DMD: variants seen among roughly 807,000 people sequenced by gnomAD.
The protein encoded by DMD is dystrophin, also known as mutant dystrophin.
Under a neutral mutation model 330.1 loss-of-function variants are expected in DMD, and 63 were observed. The observed-to-expected ratio is 0.19, with a 90% confidence interval of 0.16 to 0.24. The LOEUF (loss-of-function observed/expected upper bound fraction) is 0.24. Ranked by LOEUF, DMD falls within the 10% of genes least tolerant of loss-of-function variation. The pLI, the probability that DMD is intolerant of heterozygous loss-of-function variation, is 1.00. For synonymous variants in DMD, 1,223 were observed against 959.8 expected, an observed-to-expected ratio of 1.27 and a Z score of -5.07; for missense variants, 3,344 against 2,684.1, an observed-to-expected ratio of 1.25 and a Z score of -5.43.
intron 55 of DMD, among the ~76,000 whole-genome samples, chrX:31,592,715 A>G (rs1052406303): frequency 1.8e-5 from 2 of 110,408 alleles, no homozygotes; most frequent in Admixed American, 1.9e-4. Flanking sequence ...CTGAGGTTTT[A>G]TTAATCCTGC....
Position 32,463,556 on chromosome X carries a change from T to G in DMD, c.3315A>C (p.Leu1105=), listed in dbSNP as rs2098390931. The change falls in exon 25 of 79, where the codon CTA becomes CTC. Residue 1105 remains leucine, a synonymous_variant. Coordinates refer to ENST00000357033, the MANE Select transcript of DMD (RefSeq NM_004006.3). The part of the protein sequence containing the change: ...VSDIQTIQPS[L]NSVNEGGQKI... Reference sequence around the variant, plus strand: ...TCTGCCCACCTTCATTGACACTGTTTAGACTGGGCTGAATTGTCTGAATAT... The same window carrying G: ...TCTGCCCACCTTCATTGACACTGTTGAGACTGGGCTGAATTGTCTGAATAT... 8.4e-7 allele frequency: 1 copy of G among 1,193,931 alleles called. No homozygotes were observed. The highest frequency in any genetic ancestry group is 2.3e-5 in the Admixed American group (1 of 44,192).
At chrX:32,518,267 C>A in intron 17 of DMD, 136 bp from the exon 18 acceptor site, 1 of 625,334 alleles carries the variant, frequency 1.6e-6, no homozygotes, top group Non-Finnish European at 2.5e-6. Flanking sequence ...GTATTAATAG[C>A]AGCACTATTT....
At chrX:32,195,042 T>C (rs946042175) in intron 44 of DMD, among the ~76,000 whole-genome samples, 4 of 110,999 alleles carry the variant, frequency 3.6e-5, no homozygotes, top group African/African-American at 6.5e-5. Context: ...TGACCTGGCC[T>C]AAGATGGGGG....
chrX:31,707,713 A>C (rs2084305129), intron 52 of DMD, among the ~76,000 whole-genome samples: 1 of 111,668 alleles, frequency 9.0e-6, no homozygotes, highest in Non-Finnish European at 1.9e-5. Context: ...ATGACCCCAG[A>C]AACCTCAGAG....
intron 44 of DMD, among the ~76,000 whole-genome samples, chrX:32,124,576 A>AAC (rs2096652746): frequency 8.9e-6 from 1 of 112,350 alleles, no homozygotes; most frequent in African/African-American, 3.2e-5. Context: ...TCATCAATTC[A>AAC]ATAAATTTCT....
chrX:32,548,822 C>A (rs2049237761), intron 16 of DMD, among the ~76,000 whole-genome samples: 1 of 111,375 alleles, frequency 9.0e-6, no homozygotes, highest in Non-Finnish European at 1.9e-5. Context: ...ATACTCCTGT[C>A]ACTCAATGCA....
chrX:32,792,054 C>A (rs2075859197), intron 7 of DMD, among the ~76,000 whole-genome samples: 1 of 111,716 alleles, frequency 9.0e-6, no homozygotes, highest in Admixed American at 9.5e-5. Flanking sequence ...TCAGAAGAAA[C>A]CTTACAGGCC....
chrX:31,849,833 CAGAAA>C (rs2093491060), intron 48 of DMD, among the ~76,000 whole-genome samples: 1 of 110,856 alleles, frequency 9.0e-6, no homozygotes, highest in African/African-American at 3.3e-5. Flanking sequence ...AATATTGCTA[CAGAAA>C]AAAGAAATTC....
At chrX:32,992,931 T>C (rs1414018157) in intron 2 of DMD, among the ~76,000 whole-genome samples, 2 of 102,817 alleles carry the variant, frequency 1.9e-5, no homozygotes, top group Non-Finnish European at 3.9e-5. Context: ...AAAAAAACTG[T>C]CTATTTTATA....
intron 25 of DMD, among the ~76,000 whole-genome samples, chrX:32,455,594 AT>A (rs1424597369): frequency 9.0e-6 from 1 of 111,257 alleles, no homozygotes; most frequent in African/African-American, 3.2e-5. Context: ...CAACTGCTCC[AT>A]TTTTTGAGAG....
chrX:31,702,408 T>C (rs976725094), intron 52 of DMD, among the ~76,000 whole-genome samples: 7 of 112,030 alleles, frequency 6.2e-5, no homozygotes, highest in African/African-American at 2.3e-4. Flanking sequence ...TCTTCATTCT[T>C]CCTCTCCCCT....
At chrX:31,936,664 A>G (rs1168957970) in intron 45 of DMD, among the ~76,000 whole-genome samples, 1 of 111,505 alleles carries the variant, frequency 9.0e-6, no homozygotes, top group Non-Finnish European at 1.9e-5. Flanking sequence ...AATAAAATTT[A>G]ACAGTTTATT....
chrX:32,205,030 CA>C (rs2147766330), intron 44 of DMD, among the ~76,000 whole-genome samples: 1 of 86,300 alleles, frequency 1.2e-5, no homozygotes, highest in African/African-American at 4.2e-5. Flanking sequence ...CACACACACA[CA>C]CACACACACA....
intron 51 of DMD, among the ~76,000 whole-genome samples, chrX:31,761,837 G>C (rs2089615745): frequency 8.9e-6 from 1 of 112,116 alleles, no homozygotes; most frequent in East Asian, 2.8e-4. Context: ...ATTTAGCTAA[G>C]TTAAAACTGC....
At chrX:33,106,924 G>T (rs1270836519) in intron 1 of DMD, among the ~76,000 whole-genome samples, 1 of 112,253 alleles carries the variant, frequency 8.9e-6, no homozygotes, top group African/African-American at 3.2e-5. Flanking sequence ...TCCATTTACA[G>T]AAGCAAGTGG....
At chrX:32,202,329 C>G (rs142421249) in intron 44 of DMD, among the ~76,000 whole-genome samples, 2,949 of 111,747 alleles carry the variant, frequency 0.026, 93 homozygotes, top group African/African-American at 0.091. Context: ...ATAAATCCAT[C>G]TTAATCGCAT....
At position 32,815,520 on chromosome X, in the gene DMD, T is replaced by TACACACACACACAC. The variant is rs1557051739; in HGVS notation, c.530+934_530+947dup. Among the ~76,000 whole-genome samples the TACACACACACACAC allele has an allele frequency of 7.9e-4, 62 of 78,898 alleles. 2 individuals are homozygous for TACACACACACACAC. The highest frequency in any genetic ancestry group is 3.1e-3 in the African/African-American group (58 of 18,831). The allele number at this position is 78,898 out of a possible 115,157, so 68.5% of individuals were successfully genotyped here. ...ATATATATATATATATATATATATATACACACACACACACACATATATATA... is the reference window on the plus strand; with the variant it reads ...ATATATATATATATATATATATATATACACACACACACACACACACACACACACACATATATATA... On this transcript the variant is annotated intron_variant, in intron 6 of 78. Coordinates refer to ENST00000357033, the MANE Select transcript of DMD (RefSeq NM_004006.3).
chrX:32,723,270 G>A (rs1188864718), intron 7 of DMD, among the ~76,000 whole-genome samples: 3 of 110,780 alleles, frequency 2.7e-5, no homozygotes, highest in African/African-American at 6.6e-5. Flanking sequence ...TGTGTCCTAG[G>A]GCTAAACCCA....
In DMD at chrX:31,307,716, G is replaced by C. The variant is rs182573573; in HGVS notation, c.9224+15882C>G. On this transcript the variant is annotated intron_variant, in intron 62 of 78. Coordinates refer to ENST00000357033, the MANE Select transcript of DMD (RefSeq NM_004006.3). ...TGGTAATGATATCTAATATTTAACA[G>C]AGAAAGGCAAAAACTGGTTGAGTAT... Among the ~76,000 whole-genome samples, 104 of 111,890 alleles carry C rather than the reference G, an allele frequency of 9.3e-4. 1 individual carries two copies. The highest frequency in any genetic ancestry group is 1.0e-3 in the Non-Finnish European group (53 of 53,163).
Sources: gnomAD v4.1 joint callset for allele counts (sites outside exome capture counted in the v4.1 genomes callset) on GRCh38, gnomAD v4.1.1 for gene constraint, MANE v1.5 for transcripts, NCBI Gene and HGNC (gene_info 2026-07-23, HGNC 2026-07-21) for gene names.